ASCC2: variants seen among roughly 807,000 people sequenced by gnomAD.
ASCC2 encodes the protein ASC-1 complex subunit P100.
A neutral mutation model predicts 93.5 loss-of-function variants in ASCC2; 42 were observed. The ratio of observed to expected loss-of-function variants is 0.45; its 90% confidence interval spans 0.35 to 0.58. The LOEUF (loss-of-function observed/expected upper bound fraction) is 0.58, where lower values mean the gene tolerates loss of function less well. Among genes scored for constraint, ASCC2 ranks in the 20% least tolerant of loss-of-function variants. The probability of loss-of-function intolerance (pLI) is 0.00; values close to 1 mark genes in which losing one functional copy is unlikely to be tolerated. For missense variants in ASCC2, 859 were observed against 977.6 expected (o/e 0.88, Z 1.62); for synonymous variants, 364 against 384.2 (o/e 0.95, Z 0.62).
intron 1 of ASCC2, among the ~76,000 whole-genome samples, chr22:29,833,796 A>G (rs2063439352): frequency 6.6e-6 from 1 of 151,964 alleles, no homozygotes; most frequent in Admixed American, 6.6e-5. Flanking sequence ...AGCATGGGGG[A>G]CATGAGCTAC....
At chr22:29,837,772 G>A (rs2064026270) in intron 1 of ASCC2, among the ~76,000 whole-genome samples, 1 of 152,148 alleles carries the variant, frequency 6.6e-6, no homozygotes, top group Non-Finnish European at 1.5e-5. Flanking sequence ...TTTGCTTGTC[G>A]TTGACCATCT....
intron 1 of ASCC2, among the ~76,000 whole-genome samples, chr22:29,836,070 G>A (rs2063740466): frequency 6.6e-6 from 1 of 152,180 alleles, no homozygotes; most frequent in Non-Finnish European, 1.5e-5. Context: ...CACGGAAGGA[G>A]AATTGCTTGA....
At chr22:29,822,237 G>A (rs1209678850) in intron 5 of ASCC2, 98 bp downstream of exon 5, 4 of 1,519,494 alleles carry the variant, frequency 2.6e-6, no homozygotes, top group Non-Finnish European at 3.6e-6. Context: ...CTATCGCCCT[G>A]AGTCCCTGGG....
Position 29,788,904 on chromosome 22 carries a change from T to C in ASCC2, c.*109A>G, listed in dbSNP as rs1256108403. On this transcript the variant is annotated 3_prime_UTR_variant, in exon 20 of 20. Transcript: ENST00000307790. ...CTCAGGGGCTGCAAAGCTGAGGCTG[T>C]TGAGGGGTTGAGTTGAACTTGGGGC... The C allele has an allele frequency of 1.6e-5, 22 of 1,348,650 alleles. No individual in the cohort carries two copies. The allele number at this position is 1,348,650 out of a possible 1,614,324, so 83.5% of individuals were successfully genotyped here.
intron 9 of ASCC2, 83 bp downstream of exon 9, chr22:29,808,028 G>C: frequency 7.2e-7 from 1 of 1,396,330 alleles, no homozygotes; most frequent in South Asian, 1.2e-5. Flanking sequence ...TTAGAGATAG[G>C]GATGCTAATG....
intron 8 of ASCC2, among the ~76,000 whole-genome samples, chr22:29,812,835 G>A (rs1001488021): frequency 1.3e-5 from 2 of 151,520 alleles, no homozygotes; most frequent in African/African-American, 2.4e-5. Context: ...GTTTCCTAGT[G>A]TGTGTTCCCC....
chr22:29,824,571 C>G (rs57122143), intron 4 of ASCC2, among the ~76,000 whole-genome samples: 8,230 of 151,876 alleles, frequency 0.054, 272 homozygotes, highest in South Asian at 0.098. Context: ...GCTATAATCA[C>G]GCCACTGCAC....
chr22:29,824,034 A>AT (rs1310061383), intron 4 of ASCC2, among the ~76,000 whole-genome samples: 3 of 151,850 alleles, frequency 2.0e-5, no homozygotes, highest in African/African-American at 7.3e-5. Flanking sequence ...CTCCAAAAAC[A>AT]TTTTTTAAAT....
At chr22:29,820,913 C>CAAAAA (rs376815823) in intron 5 of ASCC2, among the ~76,000 whole-genome samples, 9 of 69,258 alleles carry the variant, frequency 1.3e-4, no homozygotes, top group Admixed American at 1.5e-4. Flanking sequence ...TCTCAATACA[C>CAAAAA]AAAAAAAAAA....
At chr22:29,831,668 A>G (rs1450889650) in intron 2 of ASCC2, among the ~76,000 whole-genome samples, 2 of 152,098 alleles carry the variant, frequency 1.3e-5, no homozygotes, top group East Asian at 1.9e-4. Context: ...GGCTACATCT[A>G]TCTCCTTCTT....
chr22:29,833,879 CTTTTTT>C (rs539551425), intron 1 of ASCC2, among the ~76,000 whole-genome samples: 3 of 139,542 alleles, frequency 2.1e-5, no homozygotes, highest in Admixed American at 7.3e-5. Flanking sequence ...TTTTCTTTTT[CTTTTTT>C]TTTTTTTTTT....
At chr22:29,792,376 T>C (rs1326823326) in intron 18 of ASCC2, 57 bp downstream of exon 18, 6 of 1,603,076 alleles carry the variant, frequency 3.7e-6, no homozygotes, top group Non-Finnish European at 5.1e-6. Context: ...GGGGCCCTTC[T>C]GATTCACCCC....
chr22:29,838,058 G>C, intron 1 of ASCC2, 120 bp downstream of exon 1: 1 of 419,518 alleles, frequency 2.4e-6, no homozygotes, highest in Non-Finnish European at 4.7e-6. Flanking sequence ...CTCAGGTAGC[G>C]TAAGCGTGGG....
Position 29,838,202 on chromosome 22 carries a change from GTGC to G in ASCC2, c.-45_-43del, listed in dbSNP as rs2064118650. On this transcript the variant is annotated 5_prime_UTR_variant, in exon 1 of 20. Coordinates refer to ENST00000307790, the MANE Select transcript of ASCC2 (RefSeq NM_032204.5). ...CCTCGGCGGCTCCACCACCGGCTCT[GTGC>G]CGCCGCCGCCGCCGCCGCCGCCGAC... 1 of 394,236 alleles carries G rather than the reference GTGC, an allele frequency of 2.5e-6. No homozygotes were observed. The allele number at this position is 394,236 out of a possible 1,614,324, so 24.4% of individuals were successfully genotyped here.
intron 8 of ASCC2, among the ~76,000 whole-genome samples, chr22:29,811,147 G>A (rs1417540959): frequency 1.3e-5 from 2 of 152,096 alleles, no homozygotes; most frequent in Non-Finnish European, 2.9e-5. Context: ...TTAGAGAAAG[G>A]GTGCTTAATG....
At chr22:29,815,886 G>C in intron 6 of ASCC2, 120 bp downstream of exon 6, 2 of 801,986 alleles carry the variant, frequency 2.5e-6, no homozygotes, top group Non-Finnish European at 4.1e-6. Flanking sequence ...GGGGAGATGC[G>C]AGAGTCAGGG....
At chr22:29,801,872 A>T in intron 14 of ASCC2, 122 bp downstream of exon 14, 2 of 875,070 alleles carry the variant, frequency 2.3e-6, no homozygotes, top group Non-Finnish European at 3.5e-6. Context: ...GCTTTAGTTT[A>T]AATGGCTGGG....
In ASCC2 at chr22:29,813,503, T is replaced by A; in HGVS notation, c.760A>T (p.Thr254Ser). Residue 254 changes from threonine to serine, a missense_variant, in exon 8 of 20, where the codon ACC (threonine) becomes TCC (serine). Thr to Ser is a moderately conservative substitution (Grantham distance 58, BLOSUM62 1). Coordinates refer to ENST00000307790, the MANE Select transcript of ASCC2 (RefSeq NM_032204.5). Reference protein sequence around the residue: ...DIVLYLCDTCTTLWAFLDIFP... With the variant: ...DIVLYLCDTCSTLWAFLDIFP... ...ATATCCAGAAAGGCCCAAAGTGTGG[T>A]GCAGGTATCACAAAGGTAGAGAACA... is the stretch of plus-strand genomic sequence containing the variant. 1 of 1,614,160 alleles carries A rather than the reference T, an allele frequency of 6.2e-7. No individual in the cohort carries two copies. The highest frequency in any genetic ancestry group is 8.5e-7 in the Non-Finnish European group (1 of 1,179,980).
At chr22:29,790,714 G>A (rs2057620894) in intron 18 of ASCC2, among the ~76,000 whole-genome samples, 166 bp from the exon 19 acceptor site, 1 of 152,230 alleles carries the variant, frequency 6.6e-6, no homozygotes, top group Non-Finnish European at 1.5e-5. Context: ...GATTACTGTG[G>A]TCTGAGGTTT....
Sources: allele counts gnomAD v4.1 joint callset (sites outside exome capture counted in the v4.1 genomes callset), GRCh38; gene constraint gnomAD v4.1.1; transcripts MANE v1.5; gene names NCBI Gene and HGNC (gene_info 2026-07-23, HGNC 2026-07-21).